The following EDIL3 variants were observed in gnomAD, a reference collection of about 807,000 sequenced individuals.
EDIL3 encodes the protein EGF like and discoidin domains 3, also known as EGF-like repeat and discoidin I-like domain-containing protein 3.
EDIL3 carries 37 observed loss-of-function variants against 67.4 expected under a neutral mutation model. That is an observed-to-expected ratio of 0.55 (90% confidence interval 0.42 to 0.72). EDIL3 has a LOEUF of 0.72. Ranked by LOEUF, EDIL3 falls within the 30% of genes least tolerant of loss-of-function variation. The pLI is 0.00. For missense variants in EDIL3, 527 were observed against 586.3 expected, an observed-to-expected ratio of 0.90 and a Z score of 1.04; for synonymous variants, 195 against 196.3, an observed-to-expected ratio of 0.99 and a Z score of 0.05.
At chr5:84,168,567 C>T (rs542678964) in intron 4 of EDIL3, among the ~76,000 whole-genome samples, 28 of 152,108 alleles carry the variant, frequency 1.8e-4, no homozygotes, top group African/African-American at 7.2e-5. Flanking sequence ...CAGTATATTA[C>T]GCTGCCCACA....
At chr5:84,238,563 G>A (rs976058154) in intron 2 of EDIL3, among the ~76,000 whole-genome samples, 2 of 151,376 alleles carry the variant, frequency 1.3e-5, no homozygotes, top group Non-Finnish European at 2.9e-5. Flanking sequence ...GCTTGATTAC[G>A]TAGAGCTAAT....
chr5:84,238,665 G>GT (rs3046880), intron 2 of EDIL3, among the ~76,000 whole-genome samples: 8,403 of 100,902 alleles, frequency 0.083, 760 homozygotes, highest in South Asian at 0.21. Flanking sequence ...AAAATTAAAT[G>GT]TTTTTTTTTT....
At chr5:84,048,614 T>C (rs1746272697) in intron 9 of EDIL3, among the ~76,000 whole-genome samples, 4 of 152,024 alleles carry the variant, frequency 2.6e-5, no homozygotes, top group Non-Finnish European at 5.9e-5. Flanking sequence ...TTAGGTGGGA[T>C]TGTGACATTT....
At chr5:84,289,486 T>C (rs1745873879) in intron 1 of EDIL3, among the ~76,000 whole-genome samples, 1 of 152,146 alleles carries the variant, frequency 6.6e-6, no homozygotes, top group Admixed American at 6.6e-5. Context: ...CATTGATAAA[T>C]GCTCAAATCA....
At chr5:84,178,297 TTCCTGAAGA>T (rs2112355621) in intron 4 of EDIL3, among the ~76,000 whole-genome samples, 1 of 152,304 alleles carries the variant, frequency 6.6e-6, no homozygotes, top group East Asian at 1.9e-4. Flanking sequence ...TCTAATAAAC[TTCCTGAAGA>T]TCCTGATGCA....
intron 5 of EDIL3, among the ~76,000 whole-genome samples, chr5:84,135,840 T>C (rs1748081329): frequency 6.6e-6 from 1 of 152,124 alleles, no homozygotes; most frequent in Admixed American, 6.6e-5. Context: ...TTTTCCCAAT[T>C]CAAGATTTCT....
chr5:84,287,424 T>C (rs925947625), intron 1 of EDIL3, among the ~76,000 whole-genome samples: 1 of 152,184 alleles, frequency 6.6e-6, no homozygotes, highest in African/African-American at 2.4e-5. Context: ...AACAACAGTA[T>C]TGCTTTTCAG....
At chr5:84,348,673 C>T (rs1747285424) in intron 1 of EDIL3, among the ~76,000 whole-genome samples, 1 of 151,782 alleles carries the variant, frequency 6.6e-6, no homozygotes, top group Non-Finnish European at 1.5e-5. Flanking sequence ...GAAGCATACA[C>T]TGAAACATAT....
chr5:84,007,254 A>G (rs1745434282), intron 9 of EDIL3, among the ~76,000 whole-genome samples: 1 of 152,186 alleles, frequency 6.6e-6, no homozygotes, highest in African/African-American at 2.4e-5. Context: ...ACATGTAACC[A>G]AAGCAAAAGT....
At chr5:84,141,969 A>ATCTATCTATCTG (rs1748206970) in intron 4 of EDIL3, among the ~76,000 whole-genome samples, 1 of 142,454 alleles carries the variant, frequency 7.0e-6, no homozygotes, top group Non-Finnish European at 1.5e-5. Flanking sequence ...CTATCTATCT[A>ATCTATCTATCTG]TCTATCTATC....
chr5:84,179,508 A>G (rs1185669444), intron 4 of EDIL3, among the ~76,000 whole-genome samples: 1 of 152,146 alleles, frequency 6.6e-6, no homozygotes, highest in Non-Finnish European at 1.5e-5. Flanking sequence ...GCCTGAAGGC[A>G]CTCTGTTTTT....
chr5:84,254,289 T>C (rs1745087689), intron 1 of EDIL3, 77 bp from the exon 2 acceptor site: 1 of 1,472,034 alleles, frequency 6.8e-7, no homozygotes, highest in African/African-American at 1.4e-5. Context: ...TACTTTGCTA[T>C]GGATGTTCCC....
chr5:84,266,692 T>A (rs987449641), intron 1 of EDIL3, among the ~76,000 whole-genome samples: 4 of 152,144 alleles, frequency 2.6e-5, no homozygotes, highest in Admixed American at 6.6e-5. Context: ...AAATCCTCTT[T>A]TCCACCTTCC....
chr5:84,208,795 A>G (rs1174264186), intron 3 of EDIL3, among the ~76,000 whole-genome samples: 1 of 151,558 alleles, frequency 6.6e-6, no homozygotes, highest in Non-Finnish European at 1.5e-5. Context: ...AACTAGTTCA[A>G]CCATTGTGGA....
chr5:83,957,278 C>A (rs1252997231), intron 10 of EDIL3, among the ~76,000 whole-genome samples: 1 of 151,578 alleles, frequency 6.6e-6, no homozygotes, highest in East Asian at 2.0e-4. Flanking sequence ...TGCTTTTCCC[C>A]CTGCTATCAT....
chr5:83,969,014 G>C (rs749673258), intron 9 of EDIL3, among the ~76,000 whole-genome samples: 7 of 151,644 alleles, frequency 4.6e-5, no homozygotes, highest in Non-Finnish European at 1.0e-4. Context: ...CATGTTTTCA[G>C]ACAAATTTGT....
intron 1 of EDIL3, among the ~76,000 whole-genome samples, chr5:84,297,544 A>C (rs947577701): frequency 6.6e-6 from 1 of 152,146 alleles, no homozygotes; most frequent in African/African-American, 2.4e-5. Context: ...GGGGGTGACG[A>C]ATTCCGGCAG....
chr5:84,047,295 A>C (rs1422152564), intron 9 of EDIL3, among the ~76,000 whole-genome samples: 4 of 152,122 alleles, frequency 2.6e-5, no homozygotes, highest in Admixed American at 6.5e-5. Context: ...TAAGTATTTA[A>C]TAATCACTTA....
intron 2 of EDIL3, among the ~76,000 whole-genome samples, chr5:84,239,742 G>C (rs541019723): frequency 1.3e-4 from 20 of 152,108 alleles, no homozygotes; most frequent in Non-Finnish European, 2.8e-4. Flanking sequence ...GGAAAGAATT[G>C]CAAAATTTTG....
Sources: allele counts gnomAD v4.1 joint callset (sites outside exome capture counted in the v4.1 genomes callset), GRCh38; gene constraint gnomAD v4.1.1; transcripts MANE v1.5; gene names NCBI Gene and HGNC (gene_info 2026-07-23, HGNC 2026-07-21).